Variants in MLIP observed in about 807,000 individuals in gnomAD.
MLIP encodes the protein muscular LMNA-interacting protein.
In MLIP, 79 loss-of-function variants were observed where a neutral mutation model predicts 84.8. That is an observed-to-expected ratio of 0.93 (90% CI 0.78 to 1.12). The LOEUF (loss-of-function observed/expected upper bound fraction) is 1.12. Ranked by LOEUF, MLIP falls within the 50% of genes most tolerant of loss-of-function variation. The probability of loss-of-function intolerance (pLI) is 0.00; values close to 1 mark genes in which losing one functional copy is unlikely to be tolerated. For synonymous variants in MLIP, 504 were observed against 463.0 expected, an observed-to-expected ratio of 1.09 and a Z score of -1.14; for missense variants, 1,257 against 1,160.6, an observed-to-expected ratio of 1.08 and a Z score of -1.21.
At chr6:54,040,688 G>C (rs375067169) in intron 1 of MLIP, among the ~76,000 whole-genome samples, 9 of 152,164 alleles carry the variant, frequency 5.9e-5, no homozygotes, top group African/African-American at 2.2e-4. Context: ...TGGTGGATTA[G>C]AGAGAGCAAA....
intron 12 of MLIP, among the ~76,000 whole-genome samples, chr6:54,249,325 T>C (rs918149467): frequency 4.6e-5 from 7 of 152,028 alleles, no homozygotes; most frequent in African/African-American, 1.4e-4. Flanking sequence ...TTGGGAACCT[T>C]TGGGCATTAC....
chr6:54,110,360 A>G (rs139177843), upstream of MLIP, among the ~76,000 whole-genome samples: 25 of 152,078 alleles, frequency 1.6e-4, no homozygotes, highest in Admixed American at 1.4e-3. Flanking sequence ...TTCTCAAACC[A>G]TTAGCTTTTT....
At chr6:54,239,542 A>G (rs1358077249) in intron 12 of MLIP, among the ~76,000 whole-genome samples, 1 of 150,856 alleles carries the variant, frequency 6.6e-6, no homozygotes, top group African/African-American at 2.4e-5. Context: ...AGGCTGAGGT[A>G]TGCCGATCAT....
At chr6:54,130,960 G>A (rs1167451747) in intron 3 of MLIP, among the ~76,000 whole-genome samples, 1 of 152,048 alleles carries the variant, frequency 6.6e-6, no homozygotes, top group Non-Finnish European at 1.5e-5. Flanking sequence ...GATTAGAAGA[G>A]TCAAACTCTG....
intron 1 of MLIP, among the ~76,000 whole-genome samples, chr6:54,116,513 T>C (rs1769934879): frequency 6.6e-6 from 1 of 152,178 alleles, no homozygotes; most frequent in South Asian, 2.1e-4. Context: ...TGATAAACTC[T>C]TGGACACATA....
chr6:54,197,159 C>A (rs1355497947), intron 10 of MLIP, among the ~76,000 whole-genome samples: 1 of 152,024 alleles, frequency 6.6e-6, no homozygotes, highest in African/African-American at 2.4e-5. Context: ...CCCTTGTAGG[C>A]ATTGCTTTGT....
intron 11 of MLIP, among the ~76,000 whole-genome samples, chr6:54,202,539 A>G (rs1257872272): frequency 6.6e-6 from 1 of 151,158 alleles, no homozygotes. Flanking sequence ...TGCTCTCTAT[A>G]AAGACATCAC....
intron 11 of MLIP, among the ~76,000 whole-genome samples, chr6:54,228,643 G>T (rs1780771537): frequency 6.6e-6 from 1 of 152,220 alleles, no homozygotes; most frequent in Non-Finnish European, 1.5e-5. Context: ...TGATTGGATA[G>T]AACTTGATTC....
At chr6:54,055,420 A>G (rs1211302958) in intron 1 of MLIP, among the ~76,000 whole-genome samples, 2 of 152,194 alleles carry the variant, frequency 1.3e-5, no homozygotes, top group African/African-American at 2.4e-5. Flanking sequence ...GTAGAAATCT[A>G]TATTTTCAAA....
chr6:54,198,808 A>C, intron 10 of MLIP, among the ~76,000 whole-genome samples: 1 of 152,092 alleles, frequency 6.6e-6, no homozygotes, highest in East Asian at 1.9e-4. Flanking sequence ...CCAGAGACAC[A>C]GTGGGAATTT....
intron 1 of MLIP, among the ~76,000 whole-genome samples, chr6:54,080,621 AT>A (rs1478511950): frequency 2.0e-5 from 3 of 150,754 alleles, no homozygotes; most frequent in Non-Finnish European, 1.5e-5. Context: ...AGACATACAC[AT>A]TTTTTGTCTG....
In MLIP at chr6:54,207,418, C is replaced by CCG. The variant is rs563595371; in HGVS notation, c.2718+5186_2718+5187insGC. Among the ~76,000 whole-genome samples, 89 of 143,870 alleles carry CCG rather than the reference C, an allele frequency of 6.2e-4. 1 individual carries two copies. The East Asian group carries it at 0.017, about 27-fold the overall frequency. 94.4% of individuals were successfully genotyped at this position (143,870 alleles called of 152,430 possible). On this transcript the variant is annotated intron_variant, in intron 11 of 13. Transcript: ENST00000502396. Reference sequence around the variant, plus strand: ...TTTCCATCACCTCTGCACCCCCCCCCCCTTTTTTGACATTTCTTTTCTCTT... The same window carrying CCG: ...TTTCCATCACCTCTGCACCCCCCCCCCGCCTTTTTTGACATTTCTTTTCTCTT...
intron 11 of MLIP, among the ~76,000 whole-genome samples, chr6:54,209,429 A>T (rs1165904385): frequency 6.6e-6 from 1 of 152,186 alleles, no homozygotes; most frequent in Admixed American, 6.5e-5. Context: ...TGGAGAACAG[A>T]ATCAAGCTAG....
intron 11 of MLIP, among the ~76,000 whole-genome samples, chr6:54,205,633 A>G (rs1361973674): frequency 6.6e-6 from 1 of 152,208 alleles, no homozygotes; most frequent in Non-Finnish European, 1.5e-5. Flanking sequence ...ATGAGCTGAA[A>G]ATTTGCCTGG....
At chr6:54,124,944 C>A in intron 3 of MLIP, 79 bp downstream of exon 3, 1 of 1,342,614 alleles carries the variant, frequency 7.4e-7, no homozygotes, top group Non-Finnish European at 1.0e-6. Context: ...CTGCAAAGGC[C>A]ATCCTGTTTA....
chr6:54,018,977 AT>A, exon 1 of MLIP: 1 of 1,487,608 alleles, frequency 6.7e-7, no homozygotes, highest in East Asian at 2.3e-5. Context: ...TCTAGACAGA[AT>A]CTGAACCTCT....
At chr6:54,179,297 G>C (rs1776611821) in intron 9 of MLIP, among the ~76,000 whole-genome samples, 1 of 152,026 alleles carries the variant, frequency 6.6e-6, no homozygotes, top group Non-Finnish European at 1.5e-5. Context: ...TATGTTTATA[G>C]GCTAAGTGTG....
chr6:54,079,971 C>G (rs529661108), intron 1 of MLIP, among the ~76,000 whole-genome samples: 1 of 152,300 alleles, frequency 6.6e-6, no homozygotes, highest in South Asian at 2.1e-4. Context: ...AGGTGGACTG[C>G]AGCATAGCAC....
At chr6:54,241,748 T>C (rs1781750685) in intron 12 of MLIP, among the ~76,000 whole-genome samples, 1 of 152,198 alleles carries the variant, frequency 6.6e-6, no homozygotes, top group African/African-American at 2.4e-5. Flanking sequence ...TGATCTTTTT[T>C]CTTAGCCTTT....
Sources: allele counts gnomAD v4.1 joint callset (sites outside exome capture counted in the v4.1 genomes callset), GRCh38; gene constraint gnomAD v4.1.1; transcripts MANE v1.5; gene names NCBI Gene and HGNC (gene_info 2026-07-23, HGNC 2026-07-21).